KDM5A: variants seen among roughly 807,000 people sequenced by gnomAD.
KDM5A encodes the protein lysine demethylase 5A, also known as lysine-specific demethylase 5A.
A neutral mutation model predicts 193.5 loss-of-function variants in KDM5A; 42 were observed. The ratio of observed to expected loss-of-function variants is 0.22; its 90% CI spans 0.17 to 0.28. KDM5A has a LOEUF of 0.28. Among genes scored for constraint, KDM5A ranks in the 10% least tolerant of loss-of-function variants. The pLI is 1.00. For synonymous variants in KDM5A, 796 were observed against 718.1 expected (o/e 1.11, Z -1.73); for missense variants, 1,692 against 2,055.1 (o/e 0.82, Z 3.42).
intron 10 of KDM5A, among the ~76,000 whole-genome samples, chr12:342,669 C>A (rs1944021047): frequency 6.6e-6 from 1 of 151,906 alleles, no homozygotes; most frequent in African/African-American, 2.4e-5. Flanking sequence ...ACCATGTTGG[C>A]CAGCCTGGTC....
chr12:351,412 G>C (rs1252210136), intron 9 of KDM5A, among the ~76,000 whole-genome samples: 1 of 152,082 alleles, frequency 6.6e-6, no homozygotes, highest in Non-Finnish European at 1.5e-5. Context: ...TGACTGCATA[G>C]TATTCCATGG....
chr12:383,944 T>C (rs1944609092), intron 3 of KDM5A, 87 bp downstream of exon 3: 1 of 1,381,146 alleles, frequency 7.2e-7, no homozygotes, highest in African/African-American at 1.4e-5. Context: ...AAATCCTCTA[T>C]TGGAAGCAAT....
chr12:365,652 C>T (rs749614063), intron 4 of KDM5A, among the ~76,000 whole-genome samples: 3 of 152,126 alleles, frequency 2.0e-5, no homozygotes, highest in Non-Finnish European at 4.4e-5. Flanking sequence ...GTATATAAAT[C>T]ATAACTAATA....
chr12:385,347 A>G (rs1265558599), intron 2 of KDM5A, among the ~76,000 whole-genome samples: 1 of 152,056 alleles, frequency 6.6e-6, no homozygotes, highest in Admixed American at 6.5e-5. Context: ...ACCCATAAAC[A>G]GAAAAAACAG....
At chr12:349,851 C>G (rs545401393) in intron 10 of KDM5A, among the ~76,000 whole-genome samples, 1 of 150,628 alleles carries the variant, frequency 6.6e-6, no homozygotes, top group African/African-American at 2.4e-5. Context: ...CAGAGCTGGC[C>G]GGGCGCAGTG....
At chr12:365,209 T>C (rs1278843105) in intron 4 of KDM5A, among the ~76,000 whole-genome samples, 2 of 151,998 alleles carry the variant, frequency 1.3e-5, no homozygotes, top group African/African-American at 4.8e-5. Flanking sequence ...CACACCACCA[T>C]ACCTGGCTAA....
intron 17 of KDM5A, chr12:322,137 C>T (rs531279320): frequency 2.9e-5 from 11 of 374,114 alleles, no homozygotes; most frequent in Middle Eastern, 7.5e-4. Flanking sequence ...CACCTGGATA[C>T]GGTGGGAAGA....
In KDM5A at chr12:333,588, T is replaced by A; in HGVS notation, c.1552A>T (p.Met518Leu). 1 of 1,614,090 alleles carries A rather than the reference T, an allele frequency of 6.2e-7. No homozygotes were observed. Among genetic ancestry groups the A allele is most frequent in the Non-Finnish European group, 8.5e-7 (1 of 1,180,012 alleles). The change falls in exon 12 of 28, where the codon ATG (methionine) becomes TTG (leucine). Residue 518 changes from methionine (M) to leucine (L), a missense_variant. Transcript: ENST00000399788. ...AATAACTCGGGGGCCAGCTCTCTCATCACCTCCTCCAGTTGCTCTGCAGCA... is the reference window on the plus strand; with the variant it reads ...AATAACTCGGGGGCCAGCTCTCTCAACACCTCCTCCAGTTGCTCTGCAGCA... ...SHAAEQLEEV[M>L]RELAPELFES...
At chr12:288,389 T>C (rs1040920534) in intron 27 of KDM5A, among the ~76,000 whole-genome samples, 5 of 152,192 alleles carry the variant, frequency 3.3e-5, no homozygotes, top group African/African-American at 1.2e-4. Context: ...AAATATTAAA[T>C]GATAGGAGAT....
chr12:331,086 G>A (rs1943860461), intron 13 of KDM5A, among the ~76,000 whole-genome samples: 1 of 146,012 alleles, frequency 6.8e-6, no homozygotes, highest in Admixed American at 6.7e-5. Flanking sequence ...TTAAAAAAAG[G>A]AACAGAAAAA....
intron 3 of KDM5A, among the ~76,000 whole-genome samples, chr12:370,364 G>A (rs1162822798): frequency 6.6e-6 from 1 of 152,176 alleles, no homozygotes; most frequent in Non-Finnish European, 1.5e-5. Context: ...CCTCATTCCA[G>A]CCTGGGCAAC....
rs181132407 is a variant in KDM5A at position 309,286 on chromosome 12, G to A, written c.3378+517C>T. ...TTACCAAAAACTGGATAATTATTTC[G>A]TTTTTATTACTCTTTCTTAAATGTA... On this transcript the variant is annotated intron_variant, in intron 22 of 27. Coordinates refer to ENST00000399788, the MANE Select transcript of KDM5A (RefSeq NM_001042603.3). 3.0e-3 allele frequency among the ~76,000 whole-genome samples: 453 copies of A among 152,208 alleles called. 1 individual carries two copies. The highest frequency in any genetic ancestry group is 0.01 in the African/African-American group (431 of 41,526).
chr12:318,236 T>C lies in KDM5A; in HGVS notation c.2767A>G (p.Lys923Glu). 6.2e-7 allele frequency: 1 copy of C among 1,614,192 alleles called. No individual in the cohort carries two copies. Among genetic ancestry groups the C allele is most frequent in the Non-Finnish European group, 8.5e-7 (1 of 1,180,032 alleles). Residue 923 changes from lysine to glutamate, a missense_variant, in exon 19 of 28, where the codon AAG (lysine) becomes GAG (glutamate). By Grantham distance (56) the Lys-to-Glu change is moderately conservative. This residue lies in a region of KDM5A where 965 missense variants were observed against 1,061.0 expected (regional missense o/e 0.91). Transcript: ENST00000399788. ...CCTACCCCAGAGTCTATCAGCTTCT[T>C]CATGACATCCAAAGTGACTTGTTGC... is the stretch of plus-strand genomic sequence containing the variant. ...DPQQVTLDVM[K>E]KLIDSGVGLA...
Position 307,463 on chromosome 12 carries a change from T to G in KDM5A, c.3921A>C (p.Pro1307=). Residue 1307 remains proline (P), a synonymous_variant, in exon 23 of 28, where the codon CCA becomes CCC. Coordinates refer to ENST00000399788, the MANE Select transcript of KDM5A (RefSeq NM_001042603.3). This position sits in a 1 kb window ranked among gnomAD's most constrained non-coding sequence, Gnocchi z 4.3. Reference sequence around the variant, plus strand: ...TAAATCCTAAACTTGCCTGTAAGTCTGGATTGGCAGCTGCTTTTTGGAGTT... The same window carrying G: ...TAAATCCTAAACTTGCCTGTAAGTCGGGATTGGCAGCTGCTTTTTGGAGTT... ...SAELQKAAAN[P]DLQGHLPSFQ... The G allele has an allele frequency of 6.2e-7, 1 of 1,613,056 alleles. No individual in the cohort carries two copies. The highest frequency in any genetic ancestry group is 8.5e-7 in the Non-Finnish European group (1 of 1,179,994).
chr12:308,857 C>T (rs1943546451), intron 22 of KDM5A, among the ~76,000 whole-genome samples: 1 of 152,144 alleles, frequency 6.6e-6, no homozygotes, highest in African/African-American at 2.4e-5. Flanking sequence ...TTTTCCATTT[C>T]CTCAGGCTCC....
At chr12:358,021 T>C (rs1944248246) in intron 5 of KDM5A, among the ~76,000 whole-genome samples, 1 of 151,964 alleles carries the variant, frequency 6.6e-6, no homozygotes, top group Non-Finnish European at 1.5e-5. Context: ...TCACCAATCC[T>C]AGAGCTACTT....
At chr12:308,147 T>C in intron 22 of KDM5A, 142 bp from the exon 23 acceptor site, 1 of 810,312 alleles carries the variant, frequency 1.2e-6, no homozygotes, top group Non-Finnish European at 2.0e-6. Flanking sequence ...GCGGTTTCCA[T>C]GCAAACATTC....
chr12:373,244 CTATTAATT>C (rs1156459407), intron 3 of KDM5A, among the ~76,000 whole-genome samples: 36 of 152,124 alleles, frequency 2.4e-4, no homozygotes, highest in Admixed American at 2.4e-3. Context: ...GGTTGGTAGG[CTATTAATT>C]ATTGCCTCAA....
intron 1 of KDM5A, chr12:388,393 A>C (rs1398549360): frequency 1.2e-4 from 54 of 435,930 alleles, no homozygotes; most frequent in South Asian, 8.2e-4. Flanking sequence ...AAATTTTAGA[A>C]TTATTGCTGC....
Sources: gnomAD v4.1 joint callset for allele counts (sites outside exome capture counted in the v4.1 genomes callset) on GRCh38, gnomAD v4.1.1 for gene constraint, gnomAD v4.1.1 regional missense constraint, Gnocchi (gnomAD v3.1) non-coding constraint, MANE v1.5 for transcripts, NCBI Gene and HGNC (gene_info 2026-07-23, HGNC 2026-07-21) for gene names.